MAX: variants seen among roughly 807,000 people sequenced by gnomAD.
MAX encodes the protein protein max.
A neutral mutation model predicts 22.3 loss-of-function variants in MAX; 3 were observed. The ratio of observed to expected loss-of-function variants is 0.13; its 90% CI spans 0.06 to 0.35. MAX has a LOEUF of 0.35. Ranked by LOEUF, MAX falls within the 10% of genes least tolerant of loss-of-function variation. The probability of loss-of-function intolerance (pLI) is 1.00; values close to 1 mark genes in which losing one functional copy is unlikely to be tolerated. For synonymous variants in MAX, 72 were observed against 77.7 expected, an observed-to-expected ratio of 0.93 and a Z score of 0.39; for missense variants, 119 against 209.4, an observed-to-expected ratio of 0.57 and a Z score of 2.66.
chr14:65,072,120 A>G (rs972012377), downstream of MAX, among the ~76,000 whole-genome samples: 5 of 152,198 alleles, frequency 3.3e-5, no homozygotes, highest in African/African-American at 1.2e-4. Flanking sequence ...GGAATGCTCT[A>G]GTTTCATGTT....
intron 3 of MAX, among the ~76,000 whole-genome samples, chr14:65,087,038 C>T (rs1278767982): frequency 6.6e-6 from 1 of 152,240 alleles, no homozygotes; most frequent in Non-Finnish European, 1.5e-5. Context: ...GTTGCGGCTT[C>T]AGAGGGTGCC....
rs1163719087 is a variant in MAX, at chr14:65,069,912, C to T, written c.171+23796G>A. Among the ~76,000 whole-genome samples, 1 of 152,260 alleles carries T rather than the reference C, an allele frequency of 6.6e-6. No homozygotes were observed. The highest frequency in any genetic ancestry group is 1.9e-4 in the East Asian group (1 of 5,204). On this transcript the variant is annotated intron_variant, in intron 3 of 3. Coordinates refer to the MAX transcript ENST00000341653. This position sits in a 1 kb window ranked among gnomAD's most constrained non-coding sequence, Gnocchi z 4.6. ...TATTCGCTGTGGACATGACATTCCTCCTCTTAGCTGGCTGGTCTTGTTGTG... is the reference window on the plus strand; with the variant it reads ...TATTCGCTGTGGACATGACATTCCTTCTCTTAGCTGGCTGGTCTTGTTGTG...
At chr14:65,052,907 C>T (rs1006608776) in intron 3 of MAX, among the ~76,000 whole-genome samples, 2 of 152,092 alleles carry the variant, frequency 1.3e-5, no homozygotes, top group African/African-American at 4.8e-5. Flanking sequence ...GGAGCAGCTA[C>T]CGAGGTCAGT....
At position 65,075,345 on chromosome 14, in the gene MAX, C is replaced by T. The variant is rs1049158074; in HGVS notation, c.*1131G>A. 9.4e-7 allele frequency: 1 copy of T among 1,063,726 alleles called. No individual in the cohort carries two copies. Among genetic ancestry groups the T allele is most frequent in the Non-Finnish European group, 1.1e-6 (1 of 878,036 alleles). The allele number at this position is 1,063,726 out of a possible 1,614,324, so 65.9% of individuals were successfully genotyped here. Reference sequence around the variant, plus strand: ...AGGCCTAAACACACAAAACCCTTCACTGGCATCTGCTGACCACAGCCAGAA... The same window carrying T: ...AGGCCTAAACACACAAAACCCTTCATTGGCATCTGCTGACCACAGCCAGAA... On this transcript the variant is annotated 3_prime_UTR_variant, in exon 5 of 5. Coordinates refer to ENST00000358664, the MANE Select transcript of MAX (RefSeq NM_002382.5). The surrounding 1 kb of genome is among the most constrained non-coding windows in gnomAD (Gnocchi z 4.1).
At chr14:65,043,606 A>T (rs2062400813) in intron 3 of MAX, among the ~76,000 whole-genome samples, 1 of 151,888 alleles carries the variant, frequency 6.6e-6, no homozygotes, top group South Asian at 2.1e-4. Flanking sequence ...GTGGATCATG[A>T]GGTCAGGAGA....
chr14:65,096,031 G>T (rs548042527), intron 2 of MAX, among the ~76,000 whole-genome samples: 1 of 152,212 alleles, frequency 6.6e-6, no homozygotes, highest in African/African-American at 2.4e-5. Context: ...TTGGAGGATT[G>T]TAAGTGAACT....
chr14:65,101,904 G>A (rs865828773), intron 1 of MAX, among the ~76,000 whole-genome samples: 1 of 152,290 alleles, frequency 6.6e-6, no homozygotes, highest in African/African-American at 2.4e-5. Context: ...AGGATCCGCG[G>A]GTCACGGGAG....
At position 65,032,660 on chromosome 14, in the gene MAX, C is replaced by T. The variant is rs751978181; in HGVS notation, c.172-26376G>A. On this transcript the variant is annotated intron_variant, in intron 3 of 3. Coordinates refer to the MAX transcript ENST00000341653. This position sits in a 1 kb window ranked among gnomAD's most constrained non-coding sequence, Gnocchi z 5.0. ...GCCTCGCTGACCAACATCATCACTCCAGACCTCTTTGAGGGCACTGCTGAA... is the reference window on the plus strand; with the variant it reads ...GCCTCGCTGACCAACATCATCACTCTAGACCTCTTTGAGGGCACTGCTGAA... 9.9e-6 allele frequency: 16 copies of T among 1,613,986 alleles called. No individual in the cohort carries two copies. The highest frequency in any genetic ancestry group is 1.4e-5 in the Non-Finnish European group (16 of 1,180,016).
intron 3 of MAX, among the ~76,000 whole-genome samples, chr14:65,022,365 A>G (rs1040063811): frequency 3.3e-5 from 5 of 151,394 alleles, no homozygotes; most frequent in Admixed American, 1.3e-4. Flanking sequence ...AAGTCTGTCT[A>G]TGATAGCCTA....
chr14:65,082,000 G>C (rs558958398), intron 3 of MAX: 1 of 152,356 alleles, frequency 6.6e-6, no homozygotes, highest in East Asian at 1.9e-4. Flanking sequence ...GATGATGGGG[G>C]TGGTAACAAT....
At chr14:65,098,487 T>G (rs2063731162) in intron 2 of MAX, among the ~76,000 whole-genome samples, 1 of 152,200 alleles carries the variant, frequency 6.6e-6, no homozygotes, top group Non-Finnish European at 1.5e-5. Context: ...CCATCAAGGA[T>G]GGTCACTGGA....
chr14:65,046,468 AG>A (rs1318387610), intron 3 of MAX, among the ~76,000 whole-genome samples: 2 of 152,338 alleles, frequency 1.3e-5, no homozygotes, highest in South Asian at 4.1e-4. Flanking sequence ...AAAGTCTTCC[AG>A]GGGGGCTGCT....
At chr14:65,013,663 T>C (rs1041063788) in intron 3 of MAX, among the ~76,000 whole-genome samples, 7 of 152,192 alleles carry the variant, frequency 4.6e-5, no homozygotes, top group African/African-American at 1.7e-4. Flanking sequence ...TTCTCTTGCC[T>C]CAGCCTTCTG....
intron 3 of MAX, among the ~76,000 whole-genome samples, chr14:65,066,179 A>C (rs2062929505): frequency 6.6e-6 from 1 of 152,132 alleles, no homozygotes; most frequent in Non-Finnish European, 1.5e-5. Context: ...TCACCCTTCT[A>C]ATGAGGTCTC....
chr14:65,061,666 AC>A, intron 3 of MAX: 60 of 203,904 alleles, frequency 2.9e-4, no homozygotes, highest in East Asian at 9.5e-4. Flanking sequence ...GCCACTGCTG[AC>A]TCCCACTTGC....
At position 65,076,347 on chromosome 14, in the gene MAX, T is replaced by G; in HGVS notation, c.*129A>C. The G allele has an allele frequency of 1.5e-6, 2 of 1,372,278 alleles. No homozygotes were observed. Among genetic ancestry groups the G allele is most frequent in the South Asian group, 2.8e-5 (2 of 71,132 alleles). The allele number at this position is 1,372,278 out of a possible 1,614,324, so 85.0% of individuals were successfully genotyped here. On this transcript the variant is annotated 3_prime_UTR_variant, in exon 5 of 5. Transcript: ENST00000358664. This position sits in a 1 kb window ranked among gnomAD's most constrained non-coding sequence, Gnocchi z 6.6. ...GAGCTTCTACGTAAAAATAAAAATT[T>G]AAAAAAAAAAGGGAGAAAGAGAAAA...
intron 3 of MAX, among the ~76,000 whole-genome samples, chr14:65,048,971 A>G (rs1478304461): frequency 6.6e-6 from 1 of 152,098 alleles, no homozygotes; most frequent in East Asian, 1.9e-4. Flanking sequence ...CTAAAGATAC[A>G]AAAAATTAGC....
chr14:65,097,900 C>A (rs902169602), intron 2 of MAX, among the ~76,000 whole-genome samples: 4 of 152,198 alleles, frequency 2.6e-5, no homozygotes, highest in African/African-American at 9.7e-5. Flanking sequence ...ACCTGTCCTG[C>A]TTGTAGCTGA....
intron 3 of MAX, among the ~76,000 whole-genome samples, chr14:65,065,992 C>T (rs1272875835): frequency 6.6e-6 from 1 of 152,206 alleles, no homozygotes; most frequent in East Asian, 1.9e-4. Flanking sequence ...CTGCTGCCTC[C>T]AAAGCCCATG....
Sources: allele counts gnomAD v4.1 joint callset (sites outside exome capture counted in the v4.1 genomes callset), GRCh38; gene constraint gnomAD v4.1.1; non-coding constraint Gnocchi (gnomAD v3.1); transcripts MANE v1.5; gene names NCBI Gene and HGNC (gene_info 2026-07-23, HGNC 2026-07-21).